Variants in CDH23 observed in about 807,000 individuals in gnomAD.
CDH23 encodes the protein cadherin-23.
Under a neutral mutation model 317.1 loss-of-function variants are expected in CDH23, and 189 were observed. That is an observed-to-expected ratio of 0.60 (90% CI 0.53 to 0.67). The LOEUF is 0.67. CDH23 is among the 30% of genes least tolerant of loss of function. The probability of loss-of-function intolerance (pLI) is 0.00; values close to 1 mark genes in which losing one functional copy is unlikely to be tolerated. For synonymous variants in CDH23, 1,839 were observed against 1,876.8 expected (o/e 0.98, Z 0.52); for missense variants, 4,401 against 4,592.4 (o/e 0.96, Z 1.20).
rs145217060 is a variant in CDH23, at chr10:71,433,386, C to T, written c.-5-6441C>T. ...GGTTCAGGAGGTGGAATTGCTGGGCCACAGGGTATATGCATTTTCAGGCTC... is the reference window on the plus strand; with the variant it reads ...GGTTCAGGAGGTGGAATTGCTGGGCTACAGGGTATATGCATTTTCAGGCTC... On this transcript the variant is annotated intron_variant, in intron 1 of 69. Coordinates refer to ENST00000224721, the MANE Select transcript of CDH23 (RefSeq NM_022124.6). Among the ~76,000 whole-genome samples the T allele has an allele frequency of 4.2e-4, 64 of 152,288 alleles. 1 individual carries two copies. In the East Asian group the frequency reaches 0.012, roughly 29 times the overall value.
intron 6 of CDH23, among the ~76,000 whole-genome samples, chr10:71,519,535 C>G (rs1272345392): frequency 6.6e-6 from 1 of 152,196 alleles, no homozygotes; most frequent in Admixed American, 6.5e-5. Flanking sequence ...TCGTGAGAAC[C>G]TGTGTCCATC....
At chr10:71,425,036 A>G (rs1202389561) in intron 1 of CDH23, among the ~76,000 whole-genome samples, 1 of 152,058 alleles carries the variant, frequency 6.6e-6, no homozygotes, top group African/African-American at 2.4e-5. Flanking sequence ...CACCTTGCCC[A>G]GGGTCACACG....
chr10:71,523,909 C>T (rs1854859155), intron 6 of CDH23, among the ~76,000 whole-genome samples: 1 of 152,222 alleles, frequency 6.6e-6, no homozygotes, highest in African/African-American at 2.4e-5. Flanking sequence ...TATTCCTGCA[C>T]CTCCACCTTC....
intron 17 of CDH23, among the ~76,000 whole-genome samples, chr10:71,681,373 A>T (rs946466042): frequency 8.5e-5 from 13 of 152,174 alleles, no homozygotes; most frequent in African/African-American, 2.9e-4. Flanking sequence ...ACAAACAAGT[A>T]CTAATGGAGA....
At position 71,777,763 on chromosome 10, in the gene CDH23, G is replaced by T. The variant is rs766850212; in HGVS notation, c.4929G>T (p.Leu1643=). The change falls in exon 39 of 70, where the codon CTG becomes CTT. Residue 1643 remains leucine (L), a synonymous_variant. Transcript: ENST00000224721. ...AGCAGCCCCACTATGAGGTGCTGCT[G>T]GATGAGGGCCCAGACACGCTCAACA... ...MFQQPHYEVL[L]DEGPDTLNTS... 6.2e-7 allele frequency: 1 copy of T among 1,613,844 alleles called. No individual in the cohort carries two copies. Among genetic ancestry groups the T allele is most frequent in the South Asian group, 1.1e-5 (1 of 91,066 alleles).
intron 15 of CDH23, 91 bp from the exon 16 acceptor site, chr10:71,677,364 TG>T: frequency 1.0e-6 from 1 of 958,874 alleles, no homozygotes. Context: ...TTTGTCACTC[TG>T]GGCAAGGACA....
chr10:71,467,053 T>C (rs982004816), intron 3 of CDH23, among the ~76,000 whole-genome samples: 1 of 152,154 alleles, frequency 6.6e-6, no homozygotes, highest in Non-Finnish European at 1.5e-5. Flanking sequence ...CTCTATTTTC[T>C]TTGTGGAGCC....
rs750088303 is a variant in CDH23 at position 71,805,915 on chromosome 10, G to T, written c.7982G>T (p.Trp2661Leu). The T allele has an allele frequency of 6.2e-7, 1 of 1,613,702 alleles. No individual in the cohort carries two copies. Among genetic ancestry groups the T allele is most frequent in the Non-Finnish European group, 8.5e-7 (1 of 1,179,810 alleles). ...SFLKTAGNRDWEFFIIDPISG... is the reference protein window; with the variant it reads ...SFLKTAGNRDLEFFIIDPISG... ...CTGAAGACTGCGGGCAACCGGGACT[G>T]GGAGTTCTTCATCATCGACCCAATC... The change falls in exon 56 of 70, where the codon TGG becomes TTG. Residue 2661 changes from tryptophan (W) to leucine (L), a missense_variant. By Grantham distance (61) the Trp-to-Leu change is moderately conservative. Transcript: ENST00000224721.
intron 28 of CDH23, chr10:71,716,979 C>G (rs1303079206): frequency 2.0e-5 from 3 of 152,254 alleles, no homozygotes; most frequent in Non-Finnish European, 4.4e-5. Context: ...AGCCGCTGCC[C>G]CCTGTAGACA....
chr10:71,412,292 T>A (rs969336472), intron 1 of CDH23, among the ~76,000 whole-genome samples: 2 of 152,172 alleles, frequency 1.3e-5, no homozygotes, highest in African/African-American at 4.8e-5. Context: ...CCTGTTTGAG[T>A]CTCTGCTATC....
chr10:71,744,667 C>G (rs9415037), intron 38 of CDH23, among the ~76,000 whole-genome samples: 1 of 152,062 alleles, frequency 6.6e-6, no homozygotes, highest in Non-Finnish European at 1.5e-5. Context: ...ACCAGCTCCC[C>G]GGTGAGAGCA....
chr10:71,739,051 T>C (rs12218621), intron 35 of CDH23, among the ~76,000 whole-genome samples: 3,285 of 152,274 alleles, frequency 0.022, 215 homozygotes, highest in East Asian at 0.19. Flanking sequence ...GGAGAAGTGA[T>C]GAAACCCGCC....
At chr10:71,537,367 G>A (rs1564639587) in intron 6 of CDH23, among the ~76,000 whole-genome samples, 1 of 152,178 alleles carries the variant, frequency 6.6e-6, no homozygotes, top group African/African-American at 2.4e-5. Flanking sequence ...GGTGGGGAGG[G>A]GTAGTCATCC....
At chr10:71,692,790 C>T (rs1368447040) in intron 20 of CDH23, among the ~76,000 whole-genome samples, 2 of 152,220 alleles carry the variant, frequency 1.3e-5, no homozygotes, top group Non-Finnish European at 2.9e-5. Flanking sequence ...AGTTAAGCGA[C>T]TTGGCCCAGG....
At chr10:71,462,896 G>A (rs1260323103) in intron 3 of CDH23, among the ~76,000 whole-genome samples, 1 of 152,228 alleles carries the variant, frequency 6.6e-6, no homozygotes, top group Non-Finnish European at 1.5e-5. Flanking sequence ...GATACACGTG[G>A]GAGTGCTTCT....
At chr10:71,611,260 G>A (rs143381995) in intron 9 of CDH23, among the ~76,000 whole-genome samples, 3 of 152,284 alleles carry the variant, frequency 2.0e-5, no homozygotes, top group Admixed American at 1.3e-4. Context: ...GTTCCCCTCC[G>A]CACCCACCAT....
rs540489569 is a variant in CDH23, at chr10:71,811,279, TGAG to T, written c.9078-29_9078-27del. 1.6e-4 allele frequency: 261 copies of T among 1,613,436 alleles called. No homozygotes were observed. The African/African-American group carries it at 2.6e-3, about 16-fold the overall frequency. On this transcript the variant is annotated intron_variant, in intron 62 of 69. Transcript: ENST00000224721. ...AGACTGTCGGTGGTGGGGGAATGGC[TGAG>T]GAGGAGAGCTGAGACCCCTGCCCCT... is the stretch of plus-strand genomic sequence containing the variant.
chr10:71,551,444 T>C (rs1856592938), intron 6 of CDH23, among the ~76,000 whole-genome samples: 1 of 152,166 alleles, frequency 6.6e-6, no homozygotes, highest in Non-Finnish European at 1.5e-5. Flanking sequence ...AGTCTCCGCA[T>C]TCTTCATTCC....
Position 71,732,225 on chromosome 10 carries a change from C to G in CDH23, c.3954C>G (p.Tyr1318Ter). The G allele has an allele frequency of 6.2e-7, 1 of 1,613,750 alleles. No homozygotes were observed. The highest frequency in any genetic ancestry group is 8.5e-7 in the Non-Finnish European group (1 of 1,179,742). The change falls in exon 32 of 70, where the codon TAC (tyrosine) becomes TAG (stop). Residue 1318 changes from tyrosine (Y) to a stop codon, truncating the protein, a stop_gained. Coordinates refer to ENST00000224721, the MANE Select transcript of CDH23 (RefSeq NM_022124.6). LOFTEE classifies it high-confidence loss of function. ...DEAVQFSNASYEAAILENLAL... is the reference protein window; with the variant it reads ...DEAVQFSNAS ...CCGTGCAGTTCTCCAATGCCTCATA[C>G]GAGGCTGCCATCCTGGAGAATCTGG...
Sources: allele counts gnomAD v4.1 joint callset (sites outside exome capture counted in the v4.1 genomes callset), GRCh38; gene constraint gnomAD v4.1.1; transcripts MANE v1.5; gene names NCBI Gene and HGNC (gene_info 2026-07-23, HGNC 2026-07-21).